TNR: variants seen among roughly 807,000 people sequenced by gnomAD.
The protein encoded by TNR is tenascin-R.
Under a neutral mutation model 150.4 loss-of-function variants are expected in TNR, and 45 were observed. That is an observed-to-expected ratio of 0.30 (90% confidence interval 0.24 to 0.38). The LOEUF (loss-of-function observed/expected upper bound fraction) is 0.38. Among genes scored for constraint, TNR ranks in the 10% least tolerant of loss-of-function variants. The probability of loss-of-function intolerance (pLI) is 1.00; values close to 1 mark genes in which losing one functional copy is unlikely to be tolerated. For missense variants in TNR, 1,544 were observed against 1,759.1 expected, an observed-to-expected ratio of 0.88 and a Z score of 2.19; for synonymous variants, 687 against 678.4, an observed-to-expected ratio of 1.01 and a Z score of -0.20.
At chr1:175,676,412 C>T (rs1665868064) in intron 1 of TNR, among the ~76,000 whole-genome samples, 1 of 152,166 alleles carries the variant, frequency 6.6e-6, no homozygotes, top group African/African-American at 2.4e-5. Context: ...TTAACTGTCC[C>T]TCCAGAGAAA....
At chr1:175,466,427 T>G (rs578174424) in intron 2 of TNR, among the ~76,000 whole-genome samples, 203 of 152,310 alleles carry the variant, frequency 1.3e-3, no homozygotes, top group African/African-American at 4.8e-3. Context: ...CTGTCTAAAC[T>G]AGACAAACCT....
At chr1:175,534,500 A>G (rs772694201) in intron 1 of TNR, among the ~76,000 whole-genome samples, 7 of 152,204 alleles carry the variant, frequency 4.6e-5, no homozygotes, top group Non-Finnish European at 8.8e-5. Context: ...GATTATTTGA[A>G]TGAGTCCTCA....
chr1:175,513,336 G>A (rs1472870035), intron 2 of TNR, among the ~76,000 whole-genome samples: 3 of 152,132 alleles, frequency 2.0e-5, no homozygotes, highest in Non-Finnish European at 4.4e-5. Context: ...TTATTCACTA[G>A]TGATCTACCT....
chr1:175,348,033 G>T (rs1650879850), intron 18 of TNR, among the ~76,000 whole-genome samples: 1 of 152,034 alleles, frequency 6.6e-6, no homozygotes, highest in Non-Finnish European at 1.5e-5. Context: ...TAGATACTTA[G>T]AATCAATAAG....
chr1:175,340,362 T>C lies in TNR; in HGVS notation c.3383-2683A>G, dbSNP rs1027656823. Among the ~76,000 whole-genome samples, 8 of 152,350 alleles carry C rather than the reference T, an allele frequency of 5.3e-5. 2 individuals carry two copies. Among genetic ancestry groups the C allele is most frequent in the Admixed American group, 4.6e-4 (7 of 15,304 alleles). The stretch of plus-strand genomic sequence containing the variant: ...GCTGTGATTTAGTCAGTGGCATTAA[T>C]GTAAAGACAACAAGCATTTTGCTCA... On this transcript the variant is annotated intron_variant, in intron 18 of 22. Transcript: ENST00000367674.
At chr1:175,564,276 C>T (rs1297986646) in intron 1 of TNR, among the ~76,000 whole-genome samples, 3 of 152,090 alleles carry the variant, frequency 2.0e-5, no homozygotes, top group Non-Finnish European at 2.9e-5. Context: ...TCTGACCACC[C>T]CAAGCAGGAC....
chr1:175,729,553 A>G (rs1190473157), intron 1 of TNR, among the ~76,000 whole-genome samples: 1 of 151,954 alleles, frequency 6.6e-6, no homozygotes. Context: ...TCAACCTCCC[A>G]AAACACTGGG....
intron 1 of TNR, among the ~76,000 whole-genome samples, chr1:175,653,863 A>T (rs1665090752): frequency 6.6e-6 from 1 of 152,170 alleles, no homozygotes; most frequent in South Asian, 2.1e-4. Context: ...TTTTTATTTA[A>T]TTTCTAAATT....
At chr1:175,609,561 G>A (rs557563061) in intron 1 of TNR, among the ~76,000 whole-genome samples, 26 of 152,260 alleles carry the variant, frequency 1.7e-4, no homozygotes, top group Admixed American at 1.5e-3. Context: ...GATATCCAAG[G>A]TGTCATCCTT....
intron 1 of TNR, among the ~76,000 whole-genome samples, chr1:175,689,454 G>A (rs1028758232): frequency 3.9e-5 from 6 of 152,190 alleles, no homozygotes; most frequent in Non-Finnish European, 8.8e-5. Context: ...TCCAGGGAGG[G>A]AAATGATGCT....
At chr1:175,385,940 C>T in intron 8 of TNR, 92 bp downstream of exon 8, 1 of 1,420,010 alleles carries the variant, frequency 7.0e-7, no homozygotes. Context: ...CACCTTGCCT[C>T]ATTCCTAATA....
At chr1:175,618,391 GACAGT>G (rs1558039743) in intron 1 of TNR, among the ~76,000 whole-genome samples, 1 of 152,180 alleles carries the variant, frequency 6.6e-6, no homozygotes, top group South Asian at 2.1e-4. Flanking sequence ...CATCAATGCA[GACAGT>G]ACAAATCAAC....
chr1:175,694,290 T>C (rs1278465150), intron 1 of TNR, among the ~76,000 whole-genome samples: 2 of 152,236 alleles, frequency 1.3e-5, no homozygotes, highest in Non-Finnish European at 2.9e-5. Context: ...AATCTGGACC[T>C]GTTCCATCAT....
intron 9 of TNR, among the ~76,000 whole-genome samples, chr1:175,373,828 A>C (rs1423347940): frequency 6.6e-6 from 1 of 152,158 alleles, no homozygotes; most frequent in Non-Finnish European, 1.5e-5. Context: ...CAAATAAGGA[A>C]TAGGCCCTGT....
chr1:175,367,169 G>C (rs1872439), intron 10 of TNR, 39 bp downstream of exon 10: 363,351 of 1,597,096 alleles, frequency 0.23, 43,418 homozygotes, highest in Non-Finnish European at 0.25. Flanking sequence ...AGGCTTATAG[G>C]CTAACCTGGT....
At chr1:175,448,820 C>A (rs1204686196) in intron 2 of TNR, among the ~76,000 whole-genome samples, 6 of 152,180 alleles carry the variant, frequency 3.9e-5, no homozygotes, top group African/African-American at 1.4e-4. Flanking sequence ...CAAAGGCAGG[C>A]AGGGGAGCAC....
chr1:175,594,106 T>C (rs1571652993), intron 1 of TNR, among the ~76,000 whole-genome samples: 1 of 152,186 alleles, frequency 6.6e-6, no homozygotes, highest in African/African-American at 2.4e-5. Context: ...CCAGAGTTCC[T>C]TAAGCCCCAT....
chr1:175,610,126 A>T (rs1173654603), intron 1 of TNR, among the ~76,000 whole-genome samples: 6 of 152,236 alleles, frequency 3.9e-5, no homozygotes, highest in Admixed American at 3.3e-4. Context: ...TCTCAGAACA[A>T]ATCTTCCCTG....
At chr1:175,408,530 C>A (rs1654062940) in intron 2 of TNR, among the ~76,000 whole-genome samples, 1 of 152,170 alleles carries the variant, frequency 6.6e-6, no homozygotes, top group African/African-American at 2.4e-5. Context: ...CCAATATGGA[C>A]AGGGAGCAGA....
Sources: allele counts gnomAD v4.1 joint callset (sites outside exome capture counted in the v4.1 genomes callset), GRCh38; gene constraint gnomAD v4.1.1; transcripts MANE v1.5; gene names NCBI Gene and HGNC (gene_info 2026-07-23, HGNC 2026-07-21).